Variants in RARB observed in about 807,000 individuals in gnomAD.
RARB encodes the protein HBV-activated protein.
Under a neutral mutation model 51.9 loss-of-function variants are expected in RARB, and 17 were observed. The observed-to-expected ratio is 0.33, with a 90% CI of 0.22 to 0.49. RARB has a LOEUF of 0.49. Among genes scored for constraint, RARB ranks in the 20% least tolerant of loss-of-function variants. The probability of loss-of-function intolerance (pLI) is 0.99; values close to 1 mark genes in which losing one functional copy is unlikely to be tolerated. For synonymous variants in RARB, 215 were observed against 195.4 expected (o/e 1.10, Z -0.84); for missense variants, 369 against 550.8 (o/e 0.67, Z 3.30).
At chr3:24,860,341 A>T (rs1009708474) in intron 2 of RARB, among the ~76,000 whole-genome samples, 29 of 152,262 alleles carry the variant, frequency 1.9e-4, no homozygotes, top group African/African-American at 7.0e-4. Context: ...ACCTCCTCTC[A>T]GCCTTCTTTT....
chr3:25,328,893 G>A (rs552606325), intron 5 of RARB, among the ~76,000 whole-genome samples: 9 of 152,198 alleles, frequency 5.9e-5, no homozygotes, highest in Non-Finnish European at 8.8e-5. Context: ...GCCTGGCTCG[G>A]AGGGTCCCAC....
At chr3:25,589,214 G>GA (rs1264389727) in intron 5 of RARB, among the ~76,000 whole-genome samples, 1 of 152,170 alleles carries the variant, frequency 6.6e-6, no homozygotes, top group Non-Finnish European at 1.5e-5. Context: ...GAAGATCAGG[G>GA]AAAAGCACTG....
At chr3:25,150,816 A>G (rs1043478078) in intron 4 of RARB, among the ~76,000 whole-genome samples, 4 of 152,234 alleles carry the variant, frequency 2.6e-5, no homozygotes, top group Non-Finnish European at 5.9e-5. Context: ...TAGAAACCCA[A>G]GAGACAGGAC....
chr3:25,383,452 T>A (rs150877288), intron 5 of RARB, among the ~76,000 whole-genome samples: 111 of 152,286 alleles, frequency 7.3e-4, no homozygotes, highest in African/African-American at 2.6e-3. Context: ...TATCCTCCAA[T>A]ATTTTCCCAG....
chr3:25,171,440 A>ATTTTTTT (rs1157902711), intron 4 of RARB, among the ~76,000 whole-genome samples: 1 of 32,214 alleles, frequency 3.1e-5, no homozygotes, highest in African/African-American at 1.6e-4. Context: ...CGACACATTG[A>ATTTTTTT]TTTTTTTTTT....
At chr3:25,444,072 A>G (rs1002693723) in intron 1 of RARB, among the ~76,000 whole-genome samples, 1 of 152,210 alleles carries the variant, frequency 6.6e-6, no homozygotes, top group African/African-American at 2.4e-5. Flanking sequence ...TCACTATCAT[A>G]ATTAATATTT....
At chr3:25,229,024 A>G (rs1178203100) in intron 5 of RARB, among the ~76,000 whole-genome samples, 1 of 152,074 alleles carries the variant, frequency 6.6e-6, no homozygotes, top group African/African-American at 2.4e-5. Context: ...CCTATCCACT[A>G]ACTCAGTCTT....
intron 5 of RARB, among the ~76,000 whole-genome samples, chr3:25,336,554 T>A (rs1213866793): frequency 6.6e-6 from 1 of 152,156 alleles, no homozygotes; most frequent in Non-Finnish European, 1.5e-5. Context: ...GGCCCAATTC[T>A]TCTTTGAGGT....
chr3:24,943,030 C>T (rs1025308736), intron 2 of RARB, among the ~76,000 whole-genome samples: 1 of 152,140 alleles, frequency 6.6e-6, no homozygotes, highest in East Asian at 1.9e-4. Flanking sequence ...CCAGCTACCA[C>T]AATCCAAAGA....
chr3:25,544,415 C>T (rs992522218), intron 3 of RARB, among the ~76,000 whole-genome samples: 1 of 152,140 alleles, frequency 6.6e-6, no homozygotes, highest in Non-Finnish European at 1.5e-5. Flanking sequence ...ATAAGGTTCT[C>T]ATGCTATATG....
chr3:24,870,979 A>G (rs564947771), intron 2 of RARB, among the ~76,000 whole-genome samples: 3 of 152,026 alleles, frequency 2.0e-5, no homozygotes, highest in African/African-American at 7.2e-5. Context: ...ACTAGATCTT[A>G]TTCTATCTAA....
rs558006298 is a variant in RARB, at chr3:25,067,648, G to A, written c.-328+7472G>A. 4.6e-5 allele frequency among the ~76,000 whole-genome samples: 7 copies of A among 152,280 alleles called. No individual in the cohort carries two copies. The South Asian group carries it at 1.5e-3, about 32-fold the overall frequency. On this transcript the variant is annotated intron_variant, in intron 3 of 11. Transcript: ENST00000383772. Reference sequence around the variant, plus strand: ...GTACCATACCTACCCTGTAAAAAGTGTTCATTAAATATTTCAATGAATAAA... The same window carrying A: ...GTACCATACCTACCCTGTAAAAAGTATTCATTAAATATTTCAATGAATAAA...
intron 5 of RARB, among the ~76,000 whole-genome samples, chr3:25,271,497 T>G (rs902206492): frequency 6.6e-6 from 1 of 152,170 alleles, no homozygotes; most frequent in Non-Finnish European, 1.5e-5. Flanking sequence ...ATTAGGTGCT[T>G]TCTGCGTTTC....
intron 5 of RARB, among the ~76,000 whole-genome samples, chr3:25,285,787 A>G (rs962124991): frequency 1.3e-5 from 2 of 152,346 alleles, no homozygotes; most frequent in East Asian, 1.9e-4. Context: ...TGGCAAAGCC[A>G]AAGGAAGAAA....
intron 4 of RARB, among the ~76,000 whole-genome samples, chr3:25,164,413 G>C (rs563743555): frequency 2.7e-5 from 4 of 150,884 alleles, no homozygotes; most frequent in South Asian, 2.2e-4. Context: ...TGTGTGCAGT[G>C]ACCTGACATT....
intron 5 of RARB, among the ~76,000 whole-genome samples, chr3:25,388,528 A>G (rs1367803142): frequency 1.3e-5 from 2 of 152,234 alleles, no homozygotes; most frequent in Non-Finnish European, 2.9e-5. Flanking sequence ...GTACCATCAG[A>G]ATTTATTTGA....
chr3:24,917,359 G>A (rs1695128276), intron 2 of RARB, among the ~76,000 whole-genome samples: 1 of 152,112 alleles, frequency 6.6e-6, no homozygotes, highest in Non-Finnish European at 1.5e-5. Context: ...AATACATTAA[G>A]TAAAAAAGAC....
chr3:25,317,391 C>T (rs572211581), intron 5 of RARB, among the ~76,000 whole-genome samples: 10 of 152,204 alleles, frequency 6.6e-5, no homozygotes, highest in South Asian at 2.1e-4. Context: ...TTAACTATGC[C>T]AGTTCTGGGT....
chr3:25,114,007 G>A (rs1699645431), intron 3 of RARB, among the ~76,000 whole-genome samples: 1 of 152,188 alleles, frequency 6.6e-6, no homozygotes, highest in African/African-American at 2.4e-5. Flanking sequence ...AAGTTTGAGA[G>A]ATTTAAAGAT....
Sources: allele counts gnomAD v4.1 joint callset (sites outside exome capture counted in the v4.1 genomes callset), GRCh38; gene constraint gnomAD v4.1.1; transcripts MANE v1.5; gene names NCBI Gene and HGNC (gene_info 2026-07-23, HGNC 2026-07-21).